Variants in DPY19L1 observed in about 807,000 individuals in gnomAD.
DPY19L1 encodes the protein protein C-mannosyl-transferase DPY19L1.
A neutral mutation model predicts 96.9 loss-of-function variants in DPY19L1; 35 were observed. The ratio of observed to expected loss-of-function variants is 0.36; its 90% CI spans 0.28 to 0.48. The LOEUF is 0.48. DPY19L1 is among the 20% of genes least tolerant of loss of function. The pLI is 0.99. For synonymous variants in DPY19L1, 205 were observed against 252.6 expected (o/e 0.81, Z 1.79); for missense variants, 521 against 777.9 (o/e 0.67, Z 3.93).
intron 1 of DPY19L1, among the ~76,000 whole-genome samples, chr7:35,026,789 C>G (rs1786129767): frequency 6.6e-6 from 1 of 152,118 alleles, no homozygotes; most frequent in Non-Finnish European, 1.5e-5. Flanking sequence ...GGAAAGAACT[C>G]AAATTCTTTT....
intron 1 of DPY19L1, among the ~76,000 whole-genome samples, chr7:35,018,847 C>G (rs1057256089): frequency 4.6e-5 from 7 of 151,952 alleles, no homozygotes; most frequent in Non-Finnish European, 1.5e-5. Flanking sequence ...CGCTAATAGA[C>G]AGAAACCATT....
intron 6 of DPY19L1, among the ~76,000 whole-genome samples, chr7:34,998,413 G>A (rs1377219887): frequency 1.3e-5 from 2 of 152,152 alleles, no homozygotes; most frequent in Non-Finnish European, 2.9e-5. Context: ...TTCAAAAAGC[G>A]ACCTCATCGC....
intron 6 of DPY19L1, among the ~76,000 whole-genome samples, chr7:35,005,736 G>A (rs531866960): frequency 4.0e-5 from 6 of 151,850 alleles, no homozygotes; most frequent in South Asian, 2.1e-4. Context: ...GCTTGAACCC[G>A]GGAGGTGGAA....
intron 1 of DPY19L1, among the ~76,000 whole-genome samples, chr7:35,026,053 A>T (rs1786112124): frequency 6.6e-6 from 1 of 152,120 alleles, no homozygotes; most frequent in South Asian, 2.1e-4. Context: ...GTATAAATCC[A>T]GGGCCCCTAA....
chr7:34,988,884 A>G (rs2128671892), intron 7 of DPY19L1, among the ~76,000 whole-genome samples: 1 of 152,358 alleles, frequency 6.6e-6, no homozygotes, highest in East Asian at 1.9e-4. Context: ...AACACAAGCT[A>G]ACAATTACAT....
chr7:34,943,016 C>T (rs1248354313), intron 16 of DPY19L1, among the ~76,000 whole-genome samples: 1 of 152,180 alleles, frequency 6.6e-6, no homozygotes, highest in East Asian at 1.9e-4. Flanking sequence ...ATGTGTAAAT[C>T]TGAGTTCAAG....
chr7:34,950,576 A>G (rs1272966270), intron 13 of DPY19L1, among the ~76,000 whole-genome samples: 2 of 152,226 alleles, frequency 1.3e-5, no homozygotes, highest in Non-Finnish European at 1.5e-5. Flanking sequence ...ACCAAAGAAA[A>G]GAGGAGAAAT....
intron 1 of DPY19L1, among the ~76,000 whole-genome samples, chr7:35,029,483 T>C (rs1439500860): frequency 6.6e-6 from 1 of 152,128 alleles, no homozygotes; most frequent in East Asian, 1.9e-4. Context: ...ATTTAACAAG[T>C]TCATTAACTG....
intron 1 of DPY19L1, among the ~76,000 whole-genome samples, chr7:35,022,288 A>C (rs1246761840): frequency 1.3e-5 from 2 of 152,196 alleles, no homozygotes; most frequent in East Asian, 3.8e-4. Flanking sequence ...AAAAATCCAA[A>C]CCTATTCTAT....
chr7:35,036,209 A>C (rs1786394625), intron 1 of DPY19L1, among the ~76,000 whole-genome samples: 1 of 152,176 alleles, frequency 6.6e-6, no homozygotes, highest in South Asian at 2.1e-4. Context: ...AAATATACTA[A>C]GGGATAAATC....
intron 18 of DPY19L1, chr7:34,940,624 G>A (rs1410446103): frequency 1.0e-5 from 2 of 197,020 alleles, no homozygotes; most frequent in Non-Finnish European, 1.1e-5. Context: ...AAAATGTGGG[G>A]TCTCTTGTTA....
At chr7:35,035,791 T>G (rs1468629306) in intron 1 of DPY19L1, among the ~76,000 whole-genome samples, 1 of 152,154 alleles carries the variant, frequency 6.6e-6, no homozygotes, top group Non-Finnish European at 1.5e-5. Context: ...TAAACCAAAC[T>G]GAACCGCTGT....
At chr7:35,030,694 T>C (rs921400729) in intron 1 of DPY19L1, among the ~76,000 whole-genome samples, 6 of 152,108 alleles carry the variant, frequency 3.9e-5, no homozygotes, top group African/African-American at 1.4e-4. Flanking sequence ...GTGAGAATGC[T>C]GAGAAAATAG....
intron 6 of DPY19L1, among the ~76,000 whole-genome samples, chr7:35,009,775 T>C (rs573963535): frequency 1.3e-5 from 2 of 152,118 alleles, no homozygotes; most frequent in East Asian, 1.9e-4. Flanking sequence ...CAGACTTTTT[T>C]TACACCAAAA....
At chr7:35,025,384 A>G (rs1346879814) in intron 1 of DPY19L1, among the ~76,000 whole-genome samples, 3 of 152,134 alleles carry the variant, frequency 2.0e-5, no homozygotes, top group African/African-American at 7.2e-5. Flanking sequence ...ACATAAAATA[A>G]TAAGAGAACA....
rs556431711 is a variant in DPY19L1, at chr7:34,983,052, T to TG, written c.822+6831dup. ...GAAATCACTGTAATTCATTTGAAAC[T>TG]GGAAGTAAACTAAAACAAATTAAAA... is the stretch of plus-strand genomic sequence containing the variant. On this transcript the variant is annotated intron_variant, in intron 7 of 21. Transcript: ENST00000638088. Among the ~76,000 whole-genome samples, 36 of 152,328 alleles carry TG rather than the reference T, an allele frequency of 2.4e-4. 1 individual carries two copies. In the South Asian group the frequency reaches 7.0e-3, roughly 30 times the overall value.
intron 1 of DPY19L1, among the ~76,000 whole-genome samples, chr7:35,035,452 T>C (rs974687848): frequency 6.6e-5 from 10 of 152,174 alleles, no homozygotes; most frequent in Admixed American, 4.6e-4. Context: ...AAAATAGCAA[T>C]AAATATCATT....
intron 13 of DPY19L1, chr7:34,954,450 TAC>T (rs1462038955): frequency 7.3e-5 from 19 of 261,008 alleles, no homozygotes; most frequent in African/African-American, 4.1e-4. Context: ...ATCTATTATC[TAC>T]AGTTTTCCTG....
rs328889 is a variant in DPY19L1, at chr7:34,973,194, T to C, written c.914+320A>G. On this transcript the variant is annotated intron_variant, in intron 8 of 21. Transcript: ENST00000638088. ...GATACACTATAGCATGACCAGCCTT[T>C]ACCTTCTTTCTGCTCATTTTCAAGA... Among the ~76,000 whole-genome samples, 1,209 of 152,246 alleles carry C rather than the reference T, an allele frequency of 7.9e-3. 14 individuals carry two copies. The highest frequency in any genetic ancestry group is 0.025 in the African/African-American group (1,023 of 41,554).
Sources: allele counts gnomAD v4.1 joint callset (sites outside exome capture counted in the v4.1 genomes callset), GRCh38; gene constraint gnomAD v4.1.1; transcripts MANE v1.5; gene names NCBI Gene and HGNC (gene_info 2026-07-23, HGNC 2026-07-21).